UNC5C: variants seen among roughly 807,000 people sequenced by gnomAD.
The protein encoded by UNC5C is unc-5 netrin receptor C.
UNC5C carries 47 observed loss-of-function variants against 99.8 expected under a neutral mutation model. The observed-to-expected ratio is 0.47, with a 90% confidence interval of 0.37 to 0.60. The LOEUF is 0.60. Among genes scored for constraint, UNC5C ranks in the 20% least tolerant of loss-of-function variants. The pLI, the probability that UNC5C is intolerant of heterozygous loss-of-function variation, is 0.00. For missense variants in UNC5C, 1,062 were observed against 1,165.9 expected, an observed-to-expected ratio of 0.91 and a Z score of 1.30; for synonymous variants, 487 against 452.2, an observed-to-expected ratio of 1.08 and a Z score of -0.98.
rs1177126101 is a variant in UNC5C at position 95,167,842 on chromosome 4, A to C, written c.*1392T>G. 6.6e-6 allele frequency: 1 copy of C among 152,192 alleles called. No homozygotes were observed. Among genetic ancestry groups the C allele is most frequent in the East Asian group, 1.9e-4 (1 of 5,192 alleles). 9.4% of individuals were successfully genotyped at this position (152,192 alleles called of 1,614,324 possible). Reference sequence around the variant, plus strand: ...TAAATGATGATCCAGGTCAGAGTCCATTGTGGTCTTCAGACTGATGAATGA... The same window carrying C: ...TAAATGATGATCCAGGTCAGAGTCCCTTGTGGTCTTCAGACTGATGAATGA... On this transcript the variant is annotated 3_prime_UTR_variant, in exon 16 of 16. Coordinates refer to ENST00000453304, the MANE Select transcript of UNC5C (RefSeq NM_003728.4).
intron 6 of UNC5C, 35 bp from the exon 7 acceptor site, chr4:95,242,628 G>T: frequency 6.6e-7 from 1 of 1,511,102 alleles, no homozygotes. Flanking sequence ...AGGTCAGAGG[G>T]AGAGGCAGCT....
At chr4:95,236,730 A>G (rs1739132598) in intron 7 of UNC5C, among the ~76,000 whole-genome samples, 1 of 152,208 alleles carries the variant, frequency 6.6e-6, no homozygotes, top group Non-Finnish European at 1.5e-5. Flanking sequence ...CACTAAATAC[A>G]TATATAAATC....
At chr4:95,505,361 T>A (rs1721889058) in intron 1 of UNC5C, among the ~76,000 whole-genome samples, 5 of 152,100 alleles carry the variant, frequency 3.3e-5, no homozygotes, top group Non-Finnish European at 1.5e-5. Context: ...TGTGGAAACA[T>A]TTCAGCAACT....
chr4:95,276,398 C>T (rs1238081050), intron 4 of UNC5C, among the ~76,000 whole-genome samples: 3 of 152,064 alleles, frequency 2.0e-5, no homozygotes, highest in Admixed American at 2.0e-4. Flanking sequence ...AAATAGAATT[C>T]ACAGCCAATT....
At chr4:95,308,338 T>C (rs1742134146) in intron 2 of UNC5C, among the ~76,000 whole-genome samples, 1 of 151,712 alleles carries the variant, frequency 6.6e-6, no homozygotes, top group Admixed American at 6.6e-5. Flanking sequence ...ACAAAGAAAA[T>C]AATCCCATGT....
intron 2 of UNC5C, among the ~76,000 whole-genome samples, chr4:95,308,644 T>C (rs1315751092): frequency 6.7e-6 from 1 of 149,552 alleles, no homozygotes; most frequent in Non-Finnish European, 1.5e-5. Flanking sequence ...TCCCAGCTGC[T>C]TGGGAGGCTG....
chr4:95,411,104 A>G (rs1417039359), intron 1 of UNC5C, among the ~76,000 whole-genome samples: 1 of 152,180 alleles, frequency 6.6e-6, no homozygotes, highest in East Asian at 1.9e-4. Flanking sequence ...TGTTATTGAA[A>G]ATTTCAAAGA....
chr4:95,285,295 C>T (rs983498246), intron 3 of UNC5C, among the ~76,000 whole-genome samples: 1 of 152,064 alleles, frequency 6.6e-6, no homozygotes, highest in African/African-American at 2.4e-5. Flanking sequence ...AATGGGTATA[C>T]TTCAATAGAC....
At chr4:95,326,395 A>T (rs1742884519) in intron 2 of UNC5C, among the ~76,000 whole-genome samples, 1 of 151,342 alleles carries the variant, frequency 6.6e-6, no homozygotes, top group African/African-American at 2.4e-5. Flanking sequence ...GGTACCATGG[A>T]AACAAGAGTT....
intron 14 of UNC5C, among the ~76,000 whole-genome samples, chr4:95,175,210 G>A (rs1379448025): frequency 9.3e-5 from 14 of 150,646 alleles, no homozygotes; most frequent in Middle Eastern, 7.0e-3. Context: ...TTGCCAGTCT[G>A]TGTCTTTTAA....
intron 1 of UNC5C, among the ~76,000 whole-genome samples, chr4:95,339,343 G>A (rs1366846478): frequency 1.3e-5 from 2 of 151,824 alleles, no homozygotes; most frequent in Non-Finnish European, 2.9e-5. Flanking sequence ...TACTTTTTCA[G>A]GGCATTAAAG....
Position 95,417,924 on chromosome 4 carries a change from T to C in UNC5C, c.125-82293A>G, listed in dbSNP as rs1223308114. Among the ~76,000 whole-genome samples, 12 of 152,368 alleles carry C rather than the reference T, an allele frequency of 7.9e-5. No homozygotes were observed. The East Asian group carries it at 2.3e-3, about 29-fold the overall frequency. The stretch of plus-strand genomic sequence containing the variant: ...TCCTGTGCTTCCTTTCCTGCACCTT[T>C]ACTCCTGTCCCTCTGAGCATCAGTT... On this transcript the variant is annotated intron_variant, in intron 1 of 15. Transcript: ENST00000453304.
intron 1 of UNC5C, among the ~76,000 whole-genome samples, chr4:95,421,495 TTTTTCAAAGATTTGTTTTGG>T (rs1438150788): frequency 1.3e-5 from 2 of 152,190 alleles, no homozygotes; most frequent in Non-Finnish European, 2.9e-5. Flanking sequence ...AGATTTTTTT[TTTTTCAAAGATTTGTTTTGG>T]TTTCTGCTCT....
intron 2 of UNC5C, among the ~76,000 whole-genome samples, chr4:95,315,705 T>G (rs1195051505): frequency 6.6e-6 from 1 of 152,192 alleles, no homozygotes; most frequent in African/African-American, 2.4e-5. Flanking sequence ...GTAAATAATA[T>G]TTTGCAATGA....
chr4:95,349,554 A>G (rs1743909864), intron 1 of UNC5C, among the ~76,000 whole-genome samples: 1 of 151,402 alleles, frequency 6.6e-6, no homozygotes, highest in Admixed American at 6.6e-5. Flanking sequence ...AGTGATTCCT[A>G]TTTTTTCTGC....
intron 7 of UNC5C, among the ~76,000 whole-genome samples, chr4:95,226,763 A>G (rs990406997): frequency 1.3e-4 from 20 of 152,316 alleles, no homozygotes; most frequent in Admixed American, 6.5e-4. Context: ...GTAAAAAGGT[A>G]TCTCAACCAA....
chr4:95,237,352 T>C (rs1739157642), intron 7 of UNC5C, among the ~76,000 whole-genome samples: 1 of 152,184 alleles, frequency 6.6e-6, no homozygotes, highest in Admixed American at 6.5e-5. Flanking sequence ...CCCATAAAAA[T>C]TTTTATTCCC....
At chr4:95,397,598 A>G (rs1303338122) in intron 1 of UNC5C, among the ~76,000 whole-genome samples, 1 of 152,220 alleles carries the variant, frequency 6.6e-6, no homozygotes, top group East Asian at 1.9e-4. Context: ...ATTGAACAGG[A>G]TAAATTGCAA....
intron 1 of UNC5C, among the ~76,000 whole-genome samples, chr4:95,537,341 G>A (rs1722806363): frequency 1.3e-5 from 2 of 152,254 alleles, no homozygotes; most frequent in African/African-American, 4.8e-5. Context: ...CTTGTACAGA[G>A]CTTCACTAAT....
Sources: allele counts gnomAD v4.1 joint callset (sites outside exome capture counted in the v4.1 genomes callset), GRCh38; gene constraint gnomAD v4.1.1; transcripts MANE v1.5; gene names NCBI Gene and HGNC (gene_info 2026-07-23, HGNC 2026-07-21).